The following PALM2AKAP2 variants were observed in gnomAD, a reference collection of about 807,000 sequenced individuals.
PALM2AKAP2 encodes PALM2-AKAP2 fusion protein.
PALM2AKAP2 carries 37 observed loss-of-function variants against 71.5 expected under a neutral mutation model. The observed-to-expected ratio is 0.52, with a 90% CI of 0.40 to 0.68. The LOEUF is 0.68. Ranked by LOEUF, PALM2AKAP2 falls within the 30% of genes least tolerant of loss-of-function variation. The pLI is 0.00. For synonymous variants in PALM2AKAP2, 468 were observed against 478.8 expected (o/e 0.98, Z 0.29); for missense variants, 1,224 against 1,191.8 (o/e 1.03, Z -0.40).
At chr9:110,140,722 T>G (rs2119128279) in intron 2 of PALM2AKAP2, among the ~76,000 whole-genome samples, 2 of 152,348 alleles carry the variant, frequency 1.3e-5, no homozygotes, top group African/African-American at 4.8e-5. Flanking sequence ...TCTCCTGTTT[T>G]CCTCACCAAA....
intron 7 of PALM2AKAP2, among the ~76,000 whole-genome samples, chr9:110,043,636 A>T (rs1310001591): frequency 1.3e-5 from 2 of 151,224 alleles, no homozygotes; most frequent in Non-Finnish European, 2.9e-5. Flanking sequence ...CACTTTTTTA[A>T]TTATGAAGAG....
intron 1 of PALM2AKAP2, among the ~76,000 whole-genome samples, chr9:109,743,393 C>G (rs1412022122): frequency 6.6e-6 from 1 of 152,064 alleles, no homozygotes; most frequent in Non-Finnish European, 1.5e-5. Context: ...TGCAGAGCTG[C>G]ATTAGAATTT....
chr9:110,046,629 T>G (rs1253170839), upstream of PALM2AKAP2, among the ~76,000 whole-genome samples: 32 of 152,036 alleles, frequency 2.1e-4, no homozygotes, highest in Admixed American at 2.1e-3. Context: ...CCACCACGCT[T>G]GGCTAATTTT....
chr9:109,935,381 C>A (rs1367534676), intron 6 of PALM2AKAP2, among the ~76,000 whole-genome samples: 1 of 152,198 alleles, frequency 6.6e-6, no homozygotes, highest in African/African-American at 2.4e-5. Context: ...CTCAATAACC[C>A]TAAATTGACA....
At chr9:109,996,926 C>T (rs1405153100) in intron 6 of PALM2AKAP2, among the ~76,000 whole-genome samples, 1 of 152,206 alleles carries the variant, frequency 6.6e-6, no homozygotes, top group Non-Finnish European at 1.5e-5. Flanking sequence ...TGGTAGTTCA[C>T]GCCTGTAATC....
Position 110,014,802 on chromosome 9 carries a change from AAATGT to A in PALM2AKAP2, c.497-1150_497-1146del, listed in dbSNP as rs1318878177. Among the ~76,000 whole-genome samples, 77 of 41,432 alleles carry A rather than the reference AAATGT, an allele frequency of 1.9e-3. 7 individuals are homozygous for A. Among genetic ancestry groups the A allele is most frequent in the Middle Eastern group, 0.022 (1 of 46 alleles). The allele number at this position is 41,432 out of a possible 152,430, so 27.2% of individuals were successfully genotyped here. On this transcript the variant is annotated intron_variant, in intron 6 of 9. Coordinates refer to the PALM2AKAP2 transcript ENST00000302798. ...CTCAAAAAAAAAAAAAAAAAAAAAA[AAATGT>A]ATATATATATATATATATATATATA...
intron 3 of PALM2AKAP2, among the ~76,000 whole-genome samples, chr9:109,890,893 T>G (rs1488540066): frequency 6.6e-6 from 1 of 152,136 alleles, no homozygotes; most frequent in Non-Finnish European, 1.5e-5. Context: ...TGAAACAGAA[T>G]CTCTAATGGA....
At chr9:109,968,163 A>T (rs1416467964) in intron 6 of PALM2AKAP2, among the ~76,000 whole-genome samples, 1 of 152,200 alleles carries the variant, frequency 6.6e-6, no homozygotes, top group Non-Finnish European at 1.5e-5. Flanking sequence ...CTCTCCCAGA[A>T]CAGTCCTCTC....
At chr9:109,736,581 A>G (rs1215410824) in intron 1 of PALM2AKAP2, among the ~76,000 whole-genome samples, 1 of 151,688 alleles carries the variant, frequency 6.6e-6, no homozygotes, top group Non-Finnish European at 1.5e-5. Context: ...TTTTATTTTT[A>G]TATATTTTAA....
At chr9:110,132,526 C>T (rs1835757998) in intron 1 of PALM2AKAP2, among the ~76,000 whole-genome samples, 1 of 152,176 alleles carries the variant, frequency 6.6e-6, no homozygotes, top group Admixed American at 6.5e-5. Flanking sequence ...GACAGGGTTT[C>T]ACCATGTTGG....
At chr9:110,051,153 G>A (rs1159726216) in intron 1 of PALM2AKAP2, among the ~76,000 whole-genome samples, 2 of 152,116 alleles carry the variant, frequency 1.3e-5, no homozygotes, top group African/African-American at 4.8e-5. Context: ...CTTTGAGATG[G>A]GACAAACATT....
chr9:110,021,744 A>AG (rs1165578991), intron 7 of PALM2AKAP2, among the ~76,000 whole-genome samples: 2 of 151,696 alleles, frequency 1.3e-5, no homozygotes, highest in East Asian at 3.8e-4. Flanking sequence ...TTGAATTTAA[A>AG]AAAAAAAAAA....
intron 1 of PALM2AKAP2, among the ~76,000 whole-genome samples, chr9:109,788,671 T>A (rs1190025511): frequency 6.6e-6 from 1 of 152,212 alleles, no homozygotes; most frequent in Non-Finnish European, 1.5e-5. Context: ...ACATGCCCAT[T>A]GTGATATGCC....
chr9:109,821,621 A>C (rs1348942143), intron 1 of PALM2AKAP2, among the ~76,000 whole-genome samples: 2 of 152,222 alleles, frequency 1.3e-5, no homozygotes, highest in Non-Finnish European at 2.9e-5. Flanking sequence ...ACATCACCAT[A>C]TGAAAGATAC....
Position 110,061,731 on chromosome 9 carries a change from G to C in PALM2AKAP2, c.156+12876G>C, listed in dbSNP as rs564044917. On this transcript the variant is annotated intron_variant, in intron 1 of 3. Transcript: ENST00000374525. ...TTTTTGTATTTTTAGTATAGATGGG[G>C]TTTCACCATGTTGGCCAGGCTGGTC... is the stretch of plus-strand genomic sequence containing the variant. 1.2e-3 allele frequency among the ~76,000 whole-genome samples: 183 copies of C among 150,200 alleles called. 11 individuals carry two copies. Among genetic ancestry groups the C allele is most frequent in the African/African-American group, 4.3e-3 (171 of 39,856 alleles).
chr9:109,798,208 A>G (rs10816869), intron 1 of PALM2AKAP2, among the ~76,000 whole-genome samples: 27,074 of 152,172 alleles, frequency 0.18, 2,794 homozygotes, highest in East Asian at 0.34. Flanking sequence ...ATGTTGGAAT[A>G]GGGCCTACCC....
intron 1 of PALM2AKAP2, among the ~76,000 whole-genome samples, chr9:109,660,326 C>G (rs1827372879): frequency 6.6e-6 from 1 of 152,134 alleles, no homozygotes; most frequent in African/African-American, 2.4e-5. Context: ...AGGTATTTCT[C>G]CTAATGCTAT....
In PALM2AKAP2 at chr9:109,965,955, C is replaced by G. The variant is rs1410444034; in HGVS notation, c.496+33927C>G. ...AGGACCAGGCAAGGGAAAAGGCAAC[C>G]CAGCCAGGAGGAAATGTGTAAGCAA... On this transcript the variant is annotated intron_variant, in intron 6 of 9. Transcript: ENST00000302798. 2.6e-5 allele frequency among the ~76,000 whole-genome samples: 4 copies of G among 152,040 alleles called. No homozygotes were observed. The East Asian group carries it at 7.7e-4, about 29-fold the overall frequency.
chr9:109,673,084 G>A (rs771587637), intron 1 of PALM2AKAP2, among the ~76,000 whole-genome samples: 1 of 151,744 alleles, frequency 6.6e-6, no homozygotes, highest in Non-Finnish European at 1.5e-5. Flanking sequence ...TTTTGTGTAC[G>A]TGTGTGTGTG....
Sources: gnomAD v4.1 joint callset for allele counts (sites outside exome capture counted in the v4.1 genomes callset) on GRCh38, gnomAD v4.1.1 for gene constraint, MANE v1.5 for transcripts, NCBI Gene and HGNC (gene_info 2026-07-23, HGNC 2026-07-21) for gene names.